Variants in EMP1 observed in about 807,000 individuals in gnomAD.
EMP1 encodes the protein tumor-associated membrane protein.
Under a neutral mutation model 15.7 loss-of-function variants are expected in EMP1, and 5 were observed. That is an observed-to-expected ratio of 0.32 (90% CI 0.17 to 0.67). EMP1 has a LOEUF of 0.67. Among genes scored for constraint, EMP1 ranks in the 30% least tolerant of loss-of-function variants. EMP1 has a pLI of 0.74. For missense variants in EMP1, 166 were observed against 194.2 expected, an observed-to-expected ratio of 0.85 and a Z score of 0.86; for synonymous variants, 78 against 76.7, an observed-to-expected ratio of 1.02 and a Z score of -0.09.
At chr12:13,203,072 G>A (rs1864080251) in intron 1 of EMP1, among the ~76,000 whole-genome samples, 1 of 152,152 alleles carries the variant, frequency 6.6e-6, no homozygotes, top group South Asian at 2.1e-4. Flanking sequence ...CACCTGATGG[G>A]TCTGGGGTGT....
chr12:13,214,229 T>C (rs1438524429), intron 4 of EMP1: 3 of 595,004 alleles, frequency 5.0e-6, no homozygotes, highest in Non-Finnish European at 8.9e-6. Flanking sequence ...CATCCCTGAG[T>C]AGCTTTCCTA....
chr12:13,214,947 T>G lies in EMP1; in HGVS notation c.*256T>G, dbSNP rs1052390080. The G allele has an allele frequency of 4.8e-6, 2 of 419,134 alleles. No homozygotes were observed. The highest frequency in any genetic ancestry group is 2.0e-5 in the African/African-American group (1 of 49,966). 26.0% of individuals were successfully genotyped at this position (419,134 alleles called of 1,614,324 possible). Reference sequence around the variant, plus strand: ...GAGAGCCTCCCTGCAGCCACCAGACTTGGCCTCCAGCTGTTCTTAGTGACA... The same window carrying G: ...GAGAGCCTCCCTGCAGCCACCAGACGTGGCCTCCAGCTGTTCTTAGTGACA... On this transcript the variant is annotated 3_prime_UTR_variant, in exon 5 of 5. Coordinates refer to ENST00000256951, the MANE Select transcript of EMP1 (RefSeq NM_001423.3).
chr12:13,203,142 G>T (rs1394715692), intron 1 of EMP1, among the ~76,000 whole-genome samples: 2 of 152,210 alleles, frequency 1.3e-5, no homozygotes, highest in Non-Finnish European at 2.9e-5. Context: ...CAGCTTTGCT[G>T]GTTGAAGCAT....
At chr12:13,199,703 C>T (rs148640475) in intron 1 of EMP1, among the ~76,000 whole-genome samples, 340 of 152,246 alleles carry the variant, frequency 2.2e-3, no homozygotes, top group Middle Eastern at 3.4e-3. Context: ...GAGCTCAGAA[C>T]CTCAGTGTGT....
Position 13,219,407 on chromosome 12 carries a change from A to G in EMP1, c.*4716A>G, listed in dbSNP as rs1475547049. 2 of 152,164 alleles carry G rather than the reference A, an allele frequency of 1.3e-5. No homozygotes were observed. The highest frequency in any genetic ancestry group is 4.8e-5 in the African/African-American group (2 of 41,432). The allele number at this position is 152,164 out of a possible 1,614,324, so 9.4% of individuals were successfully genotyped here. A position where few individuals can be genotyped will look rare whatever the true frequency, so the allele number is the denominator to read the frequency against. The stretch of plus-strand genomic sequence containing the variant: ...TCAGCATTTTGGTTAAAACCATTCA[A>G]CAAGTCTCCAGGAAGCTCCAAACTT... On this transcript the variant is annotated 3_prime_UTR_variant, in exon 5 of 5. Coordinates refer to ENST00000256951, the MANE Select transcript of EMP1 (RefSeq NM_001423.3).
At position 13,214,995 on chromosome 12, in the gene EMP1, G is replaced by A; in HGVS notation, c.*304G>A. 1 of 340,310 alleles carries A rather than the reference G, an allele frequency of 2.9e-6. No individual in the cohort carries two copies. The highest frequency in any genetic ancestry group is 3.0e-5 in the South Asian group (1 of 33,326). 21.1% of individuals were successfully genotyped at this position (340,310 alleles called of 1,614,324 possible). A position where few individuals can be genotyped will look rare whatever the true frequency, so the allele number is the denominator to read the frequency against. On this transcript the variant is annotated 3_prime_UTR_variant, in exon 5 of 5. Transcript: ENST00000256951. ...ACACACACTGTCTGGGGCCCCATCA[G>A]CTGCCACAACACCAGCCCCACTTCT...
At chr12:13,200,242 A>AGGAC (rs1023824141) in intron 1 of EMP1, among the ~76,000 whole-genome samples, 1 of 152,204 alleles carries the variant, frequency 6.6e-6, no homozygotes, top group African/African-American at 2.4e-5. Flanking sequence ...ATCCAATACC[A>AGGAC]GGACACAGGC....
chr12:13,199,481 A>G (rs774129608), intron 1 of EMP1: 1 of 152,324 alleles, frequency 6.6e-6, no homozygotes, highest in Admixed American at 6.5e-5. Flanking sequence ...TGTAGACTCT[A>G]TGGAGCCTGG....
At chr12:13,212,689 T>C (rs1233284836) in intron 2 of EMP1, among the ~76,000 whole-genome samples, 1 of 152,262 alleles carries the variant, frequency 6.6e-6, no homozygotes, top group African/African-American at 2.4e-5. Context: ...GTTTATTGAA[T>C]GAAGAGCAGG....
chr12:13,205,569 A>G (rs1300974621), intron 1 of EMP1, among the ~76,000 whole-genome samples: 1 of 152,096 alleles, frequency 6.6e-6, no homozygotes, highest in Admixed American at 6.5e-5. Flanking sequence ...GACATTGATT[A>G]TTTTTCCATG....
In EMP1 at chr12:13,213,711, T is replaced by G. The variant is rs1321563094; in HGVS notation, c.206T>G (p.Ile69Ser). Reference sequence around the variant, plus strand: ...CTCAAGACAGTGCAGGCCTTCATGATTCTCTCTATCATCTTCTGTGTCATT... The same window carrying G: ...CTCAAGACAGTGCAGGCCTTCATGAGTCTCTCTATCATCTTCTGTGTCATT... ...DALKTVQAFM[I>S]LSIIFCVIAL... Residue 69 changes from isoleucine (I) to serine (S), a missense_variant, in exon 4 of 5, where the codon ATT (isoleucine) becomes AGT (serine). Transcript: ENST00000256951. The G allele has an allele frequency of 6.2e-7, 1 of 1,614,104 alleles. No individual in the cohort carries two copies. The highest frequency in any genetic ancestry group is 1.3e-5 in the African/African-American group (1 of 74,936).
chr12:13,209,892 G>A lies in EMP1; in HGVS notation c.-42-1577G>A, dbSNP rs11055281. Among the ~76,000 whole-genome samples the A allele has an allele frequency of 7.2e-5, 11 of 152,280 alleles. No individual in the cohort carries two copies. In the East Asian group the frequency reaches 2.1e-3, roughly 29 times the overall value. On this transcript the variant is annotated intron_variant, in intron 1 of 4. Coordinates refer to ENST00000256951, the MANE Select transcript of EMP1 (RefSeq NM_001423.3). ...TCCAACCTCTCCCCTGAAGAGGCAG[G>A]ATAAACGTCATAATTTTTGCATTCA...
chr12:13,212,500 T>C (rs1864173900), intron 2 of EMP1, among the ~76,000 whole-genome samples: 1 of 152,240 alleles, frequency 6.6e-6, no homozygotes, highest in Admixed American at 6.5e-5. Context: ...TAAGAATAAC[T>C]GTGATAAGAC....
chr12:13,210,308 T>C (rs1394139956), intron 1 of EMP1, among the ~76,000 whole-genome samples: 4 of 152,228 alleles, frequency 2.6e-5, no homozygotes, highest in Non-Finnish European at 5.9e-5. Flanking sequence ...ACATCCATTC[T>C]GTCTAGGGTG....
At chr12:13,198,173 C>T (rs1433837316) in intron 1 of EMP1, among the ~76,000 whole-genome samples, 2 of 152,220 alleles carry the variant, frequency 1.3e-5, no homozygotes, top group Non-Finnish European at 2.9e-5. Flanking sequence ...CTTATCTTTT[C>T]TCTTGTTCCC....
At chr12:13,202,301 T>C (rs1053611801) in intron 1 of EMP1, among the ~76,000 whole-genome samples, 1 of 152,234 alleles carries the variant, frequency 6.6e-6, no homozygotes, top group African/African-American at 2.4e-5. Flanking sequence ...ACCTCTTTGG[T>C]ATCATTTTAG....
rs1864228403 is a variant in EMP1, at chr12:13,217,874, A to T, written c.*3183A>T. The T allele has an allele frequency of 6.6e-6, 1 of 152,220 alleles. No individual in the cohort carries two copies. The highest frequency in any genetic ancestry group is 2.1e-4 in the South Asian group (1 of 4,824). 9.4% of individuals were successfully genotyped at this position (152,220 alleles called of 1,614,324 possible). ...AATTGACTCACATGATTTTGAAGGC[A>T]GGCAAGCCCAAAGTCTGCAAGGGGT... On this transcript the variant is annotated 3_prime_UTR_variant, in exon 5 of 5. Transcript: ENST00000256951.
chr12:13,214,022 A>C (rs1640524458), intron 4 of EMP1: 1 of 811,206 alleles, frequency 1.2e-6, no homozygotes, highest in Non-Finnish European at 2.1e-6. Context: ...GTTCAAAACC[A>C]GTGCTCCTGG....
chr12:13,216,389 C>T lies in EMP1; in HGVS notation c.*1698C>T. 1 of 702,300 alleles carries T rather than the reference C, an allele frequency of 1.4e-6. No homozygotes were observed. 43.5% of individuals were successfully genotyped at this position (702,300 alleles called of 1,614,324 possible). ...AGTTAAGGAAATGTTGAGGGCAAGCCACCAAATTACCTAGGCTGAGGTTAG... is the reference window on the plus strand; with the variant it reads ...AGTTAAGGAAATGTTGAGGGCAAGCTACCAAATTACCTAGGCTGAGGTTAG... On this transcript the variant is annotated 3_prime_UTR_variant, in exon 5 of 5. Coordinates refer to ENST00000256951, the MANE Select transcript of EMP1 (RefSeq NM_001423.3).
Sources: allele counts gnomAD v4.1 joint callset (sites outside exome capture counted in the v4.1 genomes callset), GRCh38; gene constraint gnomAD v4.1.1; transcripts MANE v1.5; gene names NCBI Gene and HGNC (gene_info 2026-07-23, HGNC 2026-07-21).